SPAG16: variants seen among roughly 807,000 people sequenced by gnomAD.
SPAG16 encodes sperm-associated antigen 16 protein.
SPAG16 carries 86 observed loss-of-function variants against 80.4 expected under a neutral mutation model. The ratio of observed to expected loss-of-function variants is 1.07; its 90% CI spans 0.90 to 1.28. The LOEUF is 1.28. Ranked by LOEUF, SPAG16 falls within the 50% of genes most tolerant of loss-of-function variation. SPAG16 has a pLI of 0.00. For missense variants in SPAG16, 870 were observed against 765.3 expected (o/e 1.14, Z -1.61); for synonymous variants, 294 against 265.9 (o/e 1.11, Z -1.03).
At chr2:214,390,377 G>T (rs1469398559) in intron 15 of SPAG16, among the ~76,000 whole-genome samples, 1 of 147,786 alleles carries the variant, frequency 6.8e-6, no homozygotes, top group Non-Finnish European at 1.5e-5. Flanking sequence ...TCACTCATGG[G>T]CTTTAATACC....
intron 15 of SPAG16, among the ~76,000 whole-genome samples, chr2:214,233,996 A>G (rs1688892545): frequency 1.3e-5 from 2 of 152,154 alleles, no homozygotes; most frequent in Admixed American, 1.3e-4. Flanking sequence ...TATTAAGCCC[A>G]GCATCCATTA....
intron 15 of SPAG16, among the ~76,000 whole-genome samples, chr2:214,209,522 T>C (rs2058232857): frequency 1.3e-5 from 2 of 152,188 alleles, no homozygotes; most frequent in Non-Finnish European, 1.5e-5. Flanking sequence ...TATCCTCTGC[T>C]CTTCTTTCTT....
intron 10 of SPAG16, among the ~76,000 whole-genome samples, chr2:213,609,711 A>G (rs1361976519): frequency 6.6e-6 from 1 of 152,112 alleles, no homozygotes. Flanking sequence ...GCCACTTTAT[A>G]TGTCTCTCAT....
At chr2:214,322,023 A>G (rs1174071370) in intron 15 of SPAG16, among the ~76,000 whole-genome samples, 1 of 152,188 alleles carries the variant, frequency 6.6e-6, no homozygotes. Context: ...TTACACCTGC[A>G]TTTCTGAAAC....
chr2:213,836,231 G>A (rs1415802968), intron 10 of SPAG16, among the ~76,000 whole-genome samples: 6 of 142,256 alleles, frequency 4.2e-5, no homozygotes. Context: ...GTGGATATCA[G>A]ATGTTATAAT....
chr2:214,344,020 G>C (rs541036253), intron 15 of SPAG16, among the ~76,000 whole-genome samples: 10 of 152,252 alleles, frequency 6.6e-5, no homozygotes, highest in African/African-American at 2.2e-4. Context: ...AATGATGGGT[G>C]TCCATTTCTA....
intron 10 of SPAG16, among the ~76,000 whole-genome samples, chr2:213,736,438 C>T (rs533826706): frequency 1.8e-4 from 27 of 152,094 alleles, no homozygotes; most frequent in African/African-American, 6.3e-4. Context: ...CATGCACCCA[C>T]CACCACACCC....
At chr2:213,949,179 T>TTTTTTTTTTTTTTTTTTTTTTTTGTTTTG (rs1553677674) in intron 12 of SPAG16, among the ~76,000 whole-genome samples, 3 of 36,260 alleles carry the variant, frequency 8.3e-5, no homozygotes, top group Non-Finnish European at 1.1e-4. Flanking sequence ...GTTTTTTTTT[T>TTTTTTTTTTTTTTTTTTTTTTTTGTTTTG]TTTTTTTTTT....
chr2:213,865,679 A>G lies in SPAG16; in HGVS notation c.1214+3051A>G, dbSNP rs550302294. Reference sequence around the variant, plus strand: ...TGAAAACTTCTGAACTTATATATATATAAAATATATAAACATTTGTATATA... The same window carrying G: ...TGAAAACTTCTGAACTTATATATATGTAAAATATATAAACATTTGTATATA... On this transcript the variant is annotated intron_variant, in intron 11 of 15. Transcript: ENST00000331683. 2.7e-5 allele frequency among the ~76,000 whole-genome samples: 4 copies of G among 148,074 alleles called. No individual in the cohort carries two copies. The East Asian group carries it at 5.8e-4, about 22-fold the overall frequency.
At chr2:214,071,053 C>A (rs187330893) in intron 13 of SPAG16, among the ~76,000 whole-genome samples, 16 of 152,178 alleles carry the variant, frequency 1.1e-4, no homozygotes, top group Admixed American at 5.2e-4. Context: ...AAGGTCTGCA[C>A]CAGTACTGGA....
intron 13 of SPAG16, among the ~76,000 whole-genome samples, chr2:214,045,105 G>A (rs924608955): frequency 2.6e-5 from 4 of 152,108 alleles, no homozygotes; most frequent in Non-Finnish European, 5.9e-5. Flanking sequence ...GCCCCAGGCT[G>A]CACAGCTTGT....
chr2:213,495,644 T>A (rs975085281), intron 10 of SPAG16, among the ~76,000 whole-genome samples: 1 of 152,120 alleles, frequency 6.6e-6, no homozygotes, highest in Non-Finnish European at 1.5e-5. Flanking sequence ...ATAAATGCTG[T>A]AGAAAAACAT....
At chr2:213,471,102 AGGGGCTGTACTGCT>A (rs1358213093) in intron 9 of SPAG16, among the ~76,000 whole-genome samples, 1 of 152,194 alleles carries the variant, frequency 6.6e-6, no homozygotes, top group East Asian at 1.9e-4. Context: ...TGTCCTAAAA[AGGGGCTGTACTGCT>A]GCAGCTGTCT....
chr2:214,068,472 A>T (rs1243478099), intron 13 of SPAG16, among the ~76,000 whole-genome samples: 3 of 152,154 alleles, frequency 2.0e-5, no homozygotes, highest in Non-Finnish European at 2.9e-5. Context: ...CATAGTACTC[A>T]TGGAGGTGGC....
chr2:214,196,224 A>G (rs1303855451), intron 15 of SPAG16, among the ~76,000 whole-genome samples: 1 of 151,978 alleles, frequency 6.6e-6, no homozygotes, highest in Non-Finnish European at 1.5e-5. Context: ...ATGCCATTTC[A>G]ATCTTTCCCC....
chr2:213,677,791 C>G (rs1435542482), intron 10 of SPAG16, among the ~76,000 whole-genome samples: 3 of 152,152 alleles, frequency 2.0e-5, no homozygotes, highest in Non-Finnish European at 4.4e-5. Context: ...ATAGAAGTCT[C>G]CACCCCAAAT....
intron 15 of SPAG16, among the ~76,000 whole-genome samples, chr2:214,406,108 T>TA (rs933638029): frequency 3.9e-5 from 6 of 151,942 alleles, no homozygotes; most frequent in African/African-American, 1.2e-4. Flanking sequence ...TCCATGATCA[T>TA]AAAAAAAATT....
chr2:213,810,296 A>G (rs1042000883), intron 10 of SPAG16, among the ~76,000 whole-genome samples: 1 of 152,230 alleles, frequency 6.6e-6, no homozygotes, highest in African/African-American at 2.4e-5. Context: ...ATTCATTTAC[A>G]TGAATCCTGA....
At chr2:213,730,417 G>A (rs1005159432) in intron 10 of SPAG16, among the ~76,000 whole-genome samples, 4 of 152,070 alleles carry the variant, frequency 2.6e-5, no homozygotes, top group African/African-American at 9.7e-5. Flanking sequence ...TGGGATAATT[G>A]GATTGTCTTG....
Sources: allele counts gnomAD v4.1 joint callset (sites outside exome capture counted in the v4.1 genomes callset), GRCh38; gene constraint gnomAD v4.1.1; transcripts MANE v1.5; gene names NCBI Gene and HGNC (gene_info 2026-07-23, HGNC 2026-07-21).